JAZF1: variants seen among roughly 807,000 people sequenced by gnomAD.
The protein encoded by JAZF1 is juxtaposed with another zinc finger protein 1.
JAZF1 carries 8 observed loss-of-function variants against 26.4 expected under a neutral mutation model. The observed-to-expected ratio is 0.30, with a 90% CI of 0.18 to 0.55. The LOEUF (loss-of-function observed/expected upper bound fraction) is 0.55. JAZF1 is among the 20% of genes least tolerant of loss of function. The pLI is 0.94. For synonymous variants in JAZF1, 126 were observed against 122.3 expected (o/e 1.03, Z -0.20); for missense variants, 199 against 322.0 (o/e 0.62, Z 2.92).
At chr7:27,888,000 T>C (rs1783898793) in intron 3 of JAZF1, among the ~76,000 whole-genome samples, 1 of 152,112 alleles carries the variant, frequency 6.6e-6, no homozygotes, top group Admixed American at 6.6e-5. Context: ...GAGTAGTATA[T>C]AAACAAGCAA....
chr7:27,920,352 ATTAT>A (rs1459659548), intron 2 of JAZF1, among the ~76,000 whole-genome samples: 1 of 152,236 alleles, frequency 6.6e-6, no homozygotes, highest in African/African-American at 2.4e-5. Context: ...AAATCAGGAC[ATTAT>A]TTATTTGCAT....
intron 2 of JAZF1, among the ~76,000 whole-genome samples, chr7:27,976,613 G>C (rs968848267): frequency 5.9e-5 from 9 of 152,062 alleles, no homozygotes; most frequent in Non-Finnish European, 8.8e-5. Context: ...CTTAGTTCTA[G>C]TAGACAAGGG....
At chr7:27,925,031 T>A (rs1469639824) in intron 2 of JAZF1, among the ~76,000 whole-genome samples, 1 of 152,244 alleles carries the variant, frequency 6.6e-6, no homozygotes, top group Non-Finnish European at 1.5e-5. Context: ...GGAGGATATA[T>A]GTACTTACTC....
At chr7:28,113,889 TA>T (rs1784701034) in intron 1 of JAZF1, among the ~76,000 whole-genome samples, 1 of 152,152 alleles carries the variant, frequency 6.6e-6, no homozygotes, top group African/African-American at 2.4e-5. Context: ...ATATATGAAA[TA>T]AGTAGATTCT....
At chr7:27,926,146 A>G (rs1487947596) in intron 2 of JAZF1, among the ~76,000 whole-genome samples, 1 of 152,252 alleles carries the variant, frequency 6.6e-6, no homozygotes, top group African/African-American at 2.4e-5. Context: ...GGAAGAGTAT[A>G]TGATGAGTTA....
chr7:27,890,729 C>T (rs1242359987), intron 3 of JAZF1, among the ~76,000 whole-genome samples: 6 of 151,516 alleles, frequency 4.0e-5, no homozygotes, highest in Non-Finnish European at 7.4e-5. Context: ...ACAGCAAACA[C>T]TCCACAAGTG....
At position 27,979,256 on chromosome 7, in the gene JAZF1, A is replaced by G. The variant is rs547035288; in HGVS notation, c.188+12653T>C. Among the ~76,000 whole-genome samples the G allele has an allele frequency of 5.9e-5, 9 of 151,440 alleles. No homozygotes were observed. The South Asian group carries it at 6.3e-4, about 11-fold the overall frequency. On this transcript the variant is annotated intron_variant, in intron 2 of 4. Coordinates refer to ENST00000283928, the MANE Select transcript of JAZF1 (RefSeq NM_175061.4). ...TTACATCTTATACTAAATGCTATAT[A>G]TATATTTTTAAGGTAAAGTTAATTT...
At chr7:28,107,145 C>T (rs188983158) in intron 1 of JAZF1, among the ~76,000 whole-genome samples, 3 of 152,234 alleles carry the variant, frequency 2.0e-5, no homozygotes, top group African/African-American at 7.2e-5. Flanking sequence ...TACAGGTGTG[C>T]TTTATATTTG....
chr7:28,168,165 G>A (rs150231034), intron 1 of JAZF1, among the ~76,000 whole-genome samples: 16,312 of 152,094 alleles, frequency 0.11, 1,129 homozygotes, highest in Non-Finnish European at 0.15. Context: ...GGTGGATCAT[G>A]AGGTCAGGAG....
intron 2 of JAZF1, among the ~76,000 whole-genome samples, chr7:27,937,911 C>T (rs890363634): frequency 3.3e-5 from 5 of 152,162 alleles, no homozygotes; most frequent in Admixed American, 1.3e-4. Context: ...GGAAATACTC[C>T]GGATTGCATT....
At chr7:28,135,085 T>C (rs1376465649) in intron 1 of JAZF1, among the ~76,000 whole-genome samples, 3 of 152,234 alleles carry the variant, frequency 2.0e-5, no homozygotes, top group African/African-American at 7.2e-5. Context: ...GAAGCTATAT[T>C]TTCCTTATAT....
At chr7:27,990,316 G>A (rs1785874654) in intron 2 of JAZF1, among the ~76,000 whole-genome samples, 1 of 152,048 alleles carries the variant, frequency 6.6e-6, no homozygotes, top group Admixed American at 6.5e-5. Context: ...GATAGCATTA[G>A]GAGATACACC....
At chr7:27,861,301 C>CT (rs1783374843) in intron 3 of JAZF1, among the ~76,000 whole-genome samples, 1 of 152,010 alleles carries the variant, frequency 6.6e-6, no homozygotes, top group African/African-American at 2.4e-5. Context: ...TGGGAAATTT[C>CT]TTTGAAAAAA....
At chr7:28,018,231 GC>G (rs1445230772) in intron 1 of JAZF1, among the ~76,000 whole-genome samples, 2 of 152,204 alleles carry the variant, frequency 1.3e-5, no homozygotes, top group African/African-American at 4.8e-5. Context: ...GGAGGAGTCG[GC>G]CAGGGCACAG....
intron 1 of JAZF1, among the ~76,000 whole-genome samples, chr7:28,108,480 T>G (rs542572073): frequency 1.3e-5 from 2 of 152,330 alleles, no homozygotes; most frequent in African/African-American, 4.8e-5. Flanking sequence ...CTGCCAGTTC[T>G]CTCTGCTCCT....
intron 3 of JAZF1, among the ~76,000 whole-genome samples, chr7:27,869,155 C>T (rs763135163): frequency 6.6e-6 from 1 of 152,160 alleles, no homozygotes; most frequent in Non-Finnish European, 1.5e-5. Context: ...GAGGTTTTTA[C>T]GTGGTTTGGT....
intron 1 of JAZF1, among the ~76,000 whole-genome samples, chr7:28,003,220 T>C (rs62449875): frequency 0.017 from 2,604 of 151,028 alleles, 25 homozygotes; most frequent in Non-Finnish European, 0.025. Context: ...TTTTCTTGGA[T>C]TTAAAAGAAA....
chr7:28,120,124 A>G (rs190281116), intron 1 of JAZF1, among the ~76,000 whole-genome samples: 190 of 152,194 alleles, frequency 1.2e-3, no homozygotes, highest in African/African-American at 4.2e-3. Flanking sequence ...CTGTCTTGCA[A>G]CAGCACTTAT....
At chr7:27,847,614 A>G (rs1000032103) in intron 3 of JAZF1, among the ~76,000 whole-genome samples, 1 of 151,960 alleles carries the variant, frequency 6.6e-6, no homozygotes, top group Non-Finnish European at 1.5e-5. Flanking sequence ...CTTCTGTTCC[A>G]CTGGTCTATG....
Sources: gnomAD v4.1 joint callset for allele counts (sites outside exome capture counted in the v4.1 genomes callset) on GRCh38, gnomAD v4.1.1 for gene constraint, MANE v1.5 for transcripts, NCBI Gene and HGNC (gene_info 2026-07-23, HGNC 2026-07-21) for gene names.